GRM8: variants seen among roughly 807,000 people sequenced by gnomAD.
GRM8 encodes the protein metabotropic glutamate receptor 8.
GRM8 carries 47 observed loss-of-function variants against 87.2 expected under a neutral mutation model. The observed-to-expected ratio is 0.54, with a 90% confidence interval of 0.43 to 0.69. The LOEUF (loss-of-function observed/expected upper bound fraction) is 0.69, where lower values mean the gene tolerates loss of function less well. Among genes scored for constraint, GRM8 ranks in the 30% least tolerant of loss-of-function variants. The pLI is 0.00. For missense variants in GRM8, 1,019 were observed against 1,139.2 expected (o/e 0.89, Z 1.52); for synonymous variants, 396 against 404.5 (o/e 0.98, Z 0.25).
At chr7:126,749,108 T>C (rs577711770) in intron 7 of GRM8, among the ~76,000 whole-genome samples, 30 of 152,148 alleles carry the variant, frequency 2.0e-4, no homozygotes, top group Middle Eastern at 6.8e-3. Flanking sequence ...ACCTCGTCTC[T>C]AACCAAAAAA....
intron 8 of GRM8, among the ~76,000 whole-genome samples, chr7:126,585,754 C>T (rs1796051534): frequency 6.6e-6 from 1 of 152,100 alleles, no homozygotes; most frequent in African/African-American, 2.4e-5. Context: ...GGAAGCATTC[C>T]CTTTGAAAAC....
intron 8 of GRM8, among the ~76,000 whole-genome samples, chr7:126,578,320 C>G (rs1795292440): frequency 6.6e-6 from 1 of 152,136 alleles, no homozygotes; most frequent in African/African-American, 2.4e-5. Flanking sequence ...GTCTCCCTAT[C>G]CCATTTCCAC....
At chr7:126,609,811 T>C (rs913097429) in intron 7 of GRM8, among the ~76,000 whole-genome samples, 5 of 152,204 alleles carry the variant, frequency 3.3e-5, no homozygotes, top group Admixed American at 2.6e-4. Flanking sequence ...ACTGGCTACA[T>C]AGTATGATAG....
intron 7 of GRM8, among the ~76,000 whole-genome samples, chr7:126,704,579 A>G (rs1009681304): frequency 1.3e-5 from 2 of 152,184 alleles, no homozygotes; most frequent in African/African-American, 4.8e-5. Context: ...TGGGAGAAAT[A>G]TCACTGAATT....
chr7:126,472,223 T>C (rs1287831171), intron 9 of GRM8, among the ~76,000 whole-genome samples: 3 of 152,184 alleles, frequency 2.0e-5, no homozygotes, highest in Non-Finnish European at 4.4e-5. Context: ...TCCAACACTA[T>C]GTTGAATAGG....
intron 7 of GRM8, among the ~76,000 whole-genome samples, chr7:126,691,181 C>T (rs992293260): frequency 1.3e-5 from 2 of 152,214 alleles, no homozygotes; most frequent in African/African-American, 4.8e-5. Context: ...TCTTGGCCTC[C>T]CTCTCATGCT....
chr7:127,209,299 G>T (rs1219298584), intron 2 of GRM8, among the ~76,000 whole-genome samples: 1 of 152,158 alleles, frequency 6.6e-6, no homozygotes, highest in Non-Finnish European at 1.5e-5. Flanking sequence ...AATCAGGAAG[G>T]AACCTCATTA....
At chr7:127,102,822 G>T (rs374062213) in intron 3 of GRM8, among the ~76,000 whole-genome samples, 1 of 152,144 alleles carries the variant, frequency 6.6e-6, no homozygotes, top group South Asian at 2.1e-4. Flanking sequence ...AGTCCCCAGT[G>T]GGGGCACTGC....
chr7:126,459,337 A>G (rs1218385651), intron 9 of GRM8, among the ~76,000 whole-genome samples: 2 of 151,306 alleles, frequency 1.3e-5, no homozygotes, highest in Non-Finnish European at 3.0e-5. Context: ...GTAGTACGTG[A>G]CTGACAGAAT....
At chr7:126,500,074 A>G (rs777695980) in intron 9 of GRM8, among the ~76,000 whole-genome samples, 4 of 151,918 alleles carry the variant, frequency 2.6e-5, no homozygotes, top group Non-Finnish European at 4.4e-5. Flanking sequence ...TTTATGATGA[A>G]GACATTTAAA....
At position 127,099,703 on chromosome 7, in the gene GRM8, AC is replaced by A. The variant is rs77065523; in HGVS notation, c.727+6792del. Among the ~76,000 whole-genome samples the A allele has an allele frequency of 4.7e-4, 71 of 152,214 alleles. 1 individual carries two copies. In the East Asian group the frequency reaches 9.8e-3, roughly 21 times the overall value. ...TAAGCCCTTCTCATTCTTATTACTAACCTGTTGTCCTCCTAGCCCAAATCCC... is the reference window on the plus strand; with the variant it reads ...TAAGCCCTTCTCATTCTTATTACTAACTGTTGTCCTCCTAGCCCAAATCCC... On this transcript the variant is annotated intron_variant, in intron 3 of 10. Transcript: ENST00000339582.
intron 8 of GRM8, among the ~76,000 whole-genome samples, chr7:126,607,503 G>C (rs1210280694): frequency 6.6e-6 from 1 of 152,064 alleles, no homozygotes; most frequent in African/African-American, 2.4e-5. Context: ...CTTCTGATTA[G>C]GTTCAAACAT....
At chr7:126,876,341 TC>T (rs1799523031) in intron 6 of GRM8, among the ~76,000 whole-genome samples, 1 of 152,224 alleles carries the variant, frequency 6.6e-6, no homozygotes, top group African/African-American at 2.4e-5. Flanking sequence ...ATACTAAGAA[TC>T]GCTCAGGTGC....
At chr7:126,925,151 T>C (rs1804960693) in intron 3 of GRM8, among the ~76,000 whole-genome samples, 1 of 152,226 alleles carries the variant, frequency 6.6e-6, no homozygotes, top group African/African-American at 2.4e-5. Context: ...ACTTGATTCA[T>C]CATTTTCAGA....
chr7:126,537,178 TTAAG>T (rs1230858822), intron 8 of GRM8, among the ~76,000 whole-genome samples: 1 of 152,160 alleles, frequency 6.6e-6, no homozygotes, highest in East Asian at 1.9e-4. Flanking sequence ...TGAATTTTCT[TTAAG>T]TAAAAAAATA....
intron 2 of GRM8, among the ~76,000 whole-genome samples, chr7:127,117,048 C>G (rs1212816405): frequency 6.6e-6 from 1 of 151,938 alleles, no homozygotes; most frequent in African/African-American, 2.4e-5. Flanking sequence ...ACTGAAGACA[C>G]TAAGAAGCAA....
intron 9 of GRM8, among the ~76,000 whole-genome samples, chr7:126,523,498 A>ATT (rs34139224): frequency 5.6e-5 from 8 of 141,934 alleles, no homozygotes; most frequent in Non-Finnish European, 4.7e-5. Flanking sequence ...AGACCTCTCA[A>ATT]TTTTTTTTTT....
chr7:127,144,204 C>T (rs1331320882), intron 2 of GRM8, among the ~76,000 whole-genome samples: 1 of 152,126 alleles, frequency 6.6e-6, no homozygotes, highest in African/African-American at 2.4e-5. Flanking sequence ...TCTTAAGCAG[C>T]ACTGGCTCAT....
chr7:127,103,853 C>T (rs1214460490), intron 3 of GRM8, among the ~76,000 whole-genome samples: 1 of 152,162 alleles, frequency 6.6e-6, no homozygotes, highest in Non-Finnish European at 1.5e-5. Flanking sequence ...TACCAAGTGT[C>T]TCCTGGCCCT....
Sources: gnomAD v4.1 joint callset for allele counts (sites outside exome capture counted in the v4.1 genomes callset) on GRCh38, gnomAD v4.1.1 for gene constraint, MANE v1.5 for transcripts, NCBI Gene and HGNC (gene_info 2026-07-23, HGNC 2026-07-21) for gene names.